Variants in TMEM232 observed in about 807,000 individuals in gnomAD.
The protein encoded by TMEM232 is transmembrane protein 232.
A neutral mutation model predicts 78.8 loss-of-function variants in TMEM232; 80 were observed. The ratio of observed to expected loss-of-function variants is 1.01; its 90% CI spans 0.85 to 1.22. The LOEUF (loss-of-function observed/expected upper bound fraction) is 1.22. TMEM232 is among the 50% of genes most tolerant of loss of function. The pLI is 0.00. For synonymous variants in TMEM232, 297 were observed against 254.3 expected (o/e 1.17, Z -1.60); for missense variants, 881 against 742.2 (o/e 1.19, Z -2.17).
intron 1 of TMEM232, among the ~76,000 whole-genome samples, chr5:110,684,246 A>G (rs1377989501): frequency 1.3e-5 from 2 of 151,992 alleles, no homozygotes; most frequent in African/African-American, 2.4e-5. Context: ...TAAAGAATAT[A>G]AATACATGAA....
At chr5:110,625,064 C>A (rs1400822330) in intron 7 of TMEM232, among the ~76,000 whole-genome samples, 1 of 151,842 alleles carries the variant, frequency 6.6e-6, no homozygotes, top group Non-Finnish European at 1.5e-5. Flanking sequence ...TATATTGATA[C>A]CTCCTACTCA....
chr5:110,595,950 G>T (rs879855177), intron 10 of TMEM232, among the ~76,000 whole-genome samples: 8 of 152,064 alleles, frequency 5.3e-5, no homozygotes, highest in Non-Finnish European at 1.0e-4. Flanking sequence ...TCCTCGAGAA[G>T]AGCAACCCCA....
intron 2 of TMEM232, among the ~76,000 whole-genome samples, chr5:110,733,576 G>A (rs956514346): frequency 2.0e-5 from 3 of 152,056 alleles, no homozygotes; most frequent in East Asian, 1.9e-4. Flanking sequence ...GCAAACTAAC[G>A]CAGGAACAGA....
At chr5:110,487,930 C>G (rs1417333360) in intron 12 of TMEM232, among the ~76,000 whole-genome samples, 1 of 151,960 alleles carries the variant, frequency 6.6e-6, no homozygotes, top group African/African-American at 2.4e-5. Context: ...CAACCCCCAT[C>G]AAAATACCAC....
downstream of TMEM232, chr5:110,417,833 AAG>A (rs1235812155): frequency 1.3e-5 from 2 of 152,066 alleles, no homozygotes; most frequent in Non-Finnish European, 2.9e-5. Context: ...GCACATCAGG[AAG>A]AGTTTCAGGA....
upstream of TMEM232, chr5:110,738,155 C>G (rs1190900365): frequency 1.5e-5 from 17 of 1,165,298 alleles, no homozygotes; most frequent in East Asian, 4.0e-4. Context: ...GGGCTTCCAA[C>G]GAGTTGAAGG....
chr5:110,664,066 G>C (rs895917337), intron 2 of TMEM232, among the ~76,000 whole-genome samples: 1 of 152,054 alleles, frequency 6.6e-6, no homozygotes, highest in African/African-American at 2.4e-5. Flanking sequence ...CTTGAGCCCA[G>C]GAATTCGAGG....
At chr5:110,616,120 C>A (rs982253431) in intron 8 of TMEM232, among the ~76,000 whole-genome samples, 2 of 151,804 alleles carry the variant, frequency 1.3e-5, no homozygotes, top group African/African-American at 4.8e-5. Context: ...CCAAAGCAAT[C>A]CTGAGCAAAA....
rs541463729 is a variant in TMEM232, at chr5:110,635,123, A to C, written c.501+3075T>G. Among the ~76,000 whole-genome samples, 6 of 152,186 alleles carry C rather than the reference A, an allele frequency of 3.9e-5. No individual in the cohort carries two copies. In the South Asian group the frequency reaches 1.2e-3, roughly 32 times the overall value. ...AATTCCTGAAAACATACAACCTACC[A>C]AGATTGACTCAGGAAGAAATACAGA... On this transcript the variant is annotated intron_variant, in intron 5 of 13. Coordinates refer to ENST00000455884, the MANE Select transcript of TMEM232 (RefSeq NM_001039763.4).
intron 10 of TMEM232, among the ~76,000 whole-genome samples, chr5:110,586,344 T>C (rs1778815478): frequency 6.6e-6 from 1 of 152,128 alleles, no homozygotes; most frequent in South Asian, 2.1e-4. Context: ...CCCTTCCTTG[T>C]TTGATGGTCA....
In TMEM232 at chr5:110,665,030, C is replaced by T. The variant is rs143374950; in HGVS notation, c.125+2198G>A. On this transcript the variant is annotated intron_variant, in intron 2 of 13. Transcript: ENST00000455884. ...TGTGAATTGTAGTGGCCATAATACACATTGAGGTTGGGACTTCAACATATG... is the reference window on the plus strand; with the variant it reads ...TGTGAATTGTAGTGGCCATAATACATATTGAGGTTGGGACTTCAACATATG... Among the ~76,000 whole-genome samples, 296 of 152,270 alleles carry T rather than the reference C, an allele frequency of 1.9e-3. 2 individuals are homozygous for T. The highest frequency in any genetic ancestry group is 6.7e-3 in the African/African-American group (278 of 41,564).
At chr5:110,559,306 A>T (rs1038503173) in intron 11 of TMEM232, among the ~76,000 whole-genome samples, 1 of 152,162 alleles carries the variant, frequency 6.6e-6, no homozygotes, top group Non-Finnish European at 1.5e-5. Flanking sequence ...AATAGTATAC[A>T]AGTAAACCCT....
chr5:110,696,405 C>T (rs1409411299), intron 1 of TMEM232, among the ~76,000 whole-genome samples: 1 of 152,134 alleles, frequency 6.6e-6, no homozygotes, highest in Non-Finnish European at 1.5e-5. Flanking sequence ...GACAGGGATG[C>T]CCTCTCTCAC....
intron 10 of TMEM232, among the ~76,000 whole-genome samples, chr5:110,598,574 C>A (rs113891280): frequency 0.013 from 1,914 of 151,904 alleles, 35 homozygotes; most frequent in African/African-American, 0.044. Context: ...ATGTTTATTG[C>A]GGCACTATTC....
intron 12 of TMEM232, among the ~76,000 whole-genome samples, chr5:110,449,443 G>T (rs1192984273): frequency 6.6e-6 from 1 of 151,766 alleles, no homozygotes; most frequent in Non-Finnish European, 1.5e-5. Context: ...AAATAAAATG[G>T]TTGCTTTTTA....
At position 110,568,619 on chromosome 5, in the gene TMEM232, T is replaced by C. The variant is rs2149684605; in HGVS notation, c.1283A>G (p.Gln428Arg). The C allele has an allele frequency of 6.5e-7, 1 of 1,529,754 alleles. No individual in the cohort carries two copies. The highest frequency in any genetic ancestry group is 8.8e-7 in the Non-Finnish European group (1 of 1,140,982). 94.8% of individuals were successfully genotyped at this position (1,529,754 alleles called of 1,614,324 possible). A position where few individuals can be genotyped will look rare whatever the true frequency, so the allele number is the denominator to read the frequency against. ...GCCATAGTAACCAGTCCAGACTACT[T>C]GATCACCTGTTTAAAAAGAAAAAGT... ...FSSKMSENCD[Q>R]VVWTGYYGLV... The change falls in exon 11 of 14, where the codon CAA becomes CGA. Residue 428 changes from glutamine (Q) to arginine (R), a missense_variant. Transcript: ENST00000455884.
intron 12 of TMEM232, among the ~76,000 whole-genome samples, chr5:110,427,542 C>T (rs764115854): frequency 2.6e-4 from 39 of 151,606 alleles, no homozygotes; most frequent in Non-Finnish European, 5.0e-4. Flanking sequence ...TACTAGTTTC[C>T]GAGGGCTACT....
chr5:110,699,638 C>T (rs1170111723), intron 1 of TMEM232, among the ~76,000 whole-genome samples: 1 of 151,978 alleles, frequency 6.6e-6, no homozygotes, highest in Non-Finnish European at 1.5e-5. Context: ...ACCACAATAT[C>T]TTGGAAACCA....
intron 11 of TMEM232, among the ~76,000 whole-genome samples, chr5:110,561,880 G>A (rs1206656902): frequency 6.6e-6 from 1 of 152,048 alleles, no homozygotes; most frequent in African/African-American, 2.4e-5. Flanking sequence ...TGGGTTCCAA[G>A]AGAATAAGAG....
Sources: gnomAD v4.1 joint callset for allele counts (sites outside exome capture counted in the v4.1 genomes callset) on GRCh38, gnomAD v4.1.1 for gene constraint, MANE v1.5 for transcripts, NCBI Gene and HGNC (gene_info 2026-07-23, HGNC 2026-07-21) for gene names.